Variants in HS6ST3 observed in about 807,000 individuals in gnomAD.
HS6ST3 encodes the protein heparan sulfate 6-O-sulfotransferase 3.
HS6ST3 carries 12 observed loss-of-function variants against 36.7 expected under a neutral mutation model. The observed-to-expected ratio is 0.33, with a 90% CI of 0.21 to 0.53. The LOEUF is 0.53. HS6ST3 is among the 20% of genes least tolerant of loss of function. The pLI is 0.95. For missense variants in HS6ST3, 584 were observed against 640.9 expected (o/e 0.91, Z 0.96); for synonymous variants, 240 against 257.5 (o/e 0.93, Z 0.65).
At chr13:96,567,976 G>A (rs940412717) in intron 1 of HS6ST3, among the ~76,000 whole-genome samples, 3 of 152,176 alleles carry the variant, frequency 2.0e-5, no homozygotes, top group Non-Finnish European at 4.4e-5. Context: ...CTTATATCAT[G>A]TAATTATGGG....
At chr13:96,371,825 A>G (rs2055291478) in intron 1 of HS6ST3, among the ~76,000 whole-genome samples, 1 of 152,132 alleles carries the variant, frequency 6.6e-6, no homozygotes, top group African/African-American at 2.4e-5. Context: ...ATAGTATTCT[A>G]TTGCATATAT....
chr13:96,215,481 G>A (rs937455699), intron 1 of HS6ST3, among the ~76,000 whole-genome samples: 2 of 152,144 alleles, frequency 1.3e-5, no homozygotes, highest in Admixed American at 6.5e-5. Context: ...TTATTTCTTG[G>A]TGATATAAAA....
intron 1 of HS6ST3, among the ~76,000 whole-genome samples, chr13:96,738,330 T>A (rs1398226785): frequency 3.3e-5 from 5 of 152,042 alleles, no homozygotes; most frequent in Admixed American, 3.3e-4. Context: ...AGGATGATTG[T>A]ATGTACAAGG....
At chr13:96,651,513 G>A (rs2056607148) in intron 1 of HS6ST3, among the ~76,000 whole-genome samples, 1 of 151,950 alleles carries the variant, frequency 6.6e-6, no homozygotes, top group South Asian at 2.1e-4. Context: ...GAATCAAGCG[G>A]CCATCCATGA....
intron 1 of HS6ST3, among the ~76,000 whole-genome samples, chr13:96,121,880 AT>A (rs2139306621): frequency 6.6e-6 from 1 of 152,122 alleles, no homozygotes; most frequent in African/African-American, 2.4e-5. Flanking sequence ...ATATACTGTA[AT>A]TTTTACTCAT....
intron 1 of HS6ST3, among the ~76,000 whole-genome samples, chr13:96,671,389 C>G (rs2056682176): frequency 6.6e-6 from 1 of 152,076 alleles, no homozygotes; most frequent in Non-Finnish European, 1.5e-5. Context: ...TGAAGTTATG[C>G]CCAACTAACT....
chr13:96,158,836 C>T (rs1259249137), intron 1 of HS6ST3, among the ~76,000 whole-genome samples: 2 of 151,716 alleles, frequency 1.3e-5, no homozygotes, highest in Non-Finnish European at 2.9e-5. Flanking sequence ...AGCCCAGGAA[C>T]CAGGAGGTCA....
Position 96,339,765 on chromosome 13 carries a change from C to T in HS6ST3, c.707+248196C>T, listed in dbSNP as rs2055121055. 2.0e-5 allele frequency among the ~76,000 whole-genome samples: 3 copies of T among 152,332 alleles called. No individual in the cohort carries two copies. The South Asian group carries it at 6.2e-4, about 32-fold the overall frequency. On this transcript the variant is annotated intron_variant, in intron 1 of 1. Coordinates refer to ENST00000376705, the MANE Select transcript of HS6ST3 (RefSeq NM_153456.4). ...AGTAACAGTGGGTTACTATCTTTAT[C>T]CCAGTCTTGGAAAGAGGCTCTTGAT...
At chr13:96,157,638 A>G (rs1483803107) in intron 1 of HS6ST3, among the ~76,000 whole-genome samples, 1 of 152,218 alleles carries the variant, frequency 6.6e-6, no homozygotes, top group Non-Finnish European at 1.5e-5. Flanking sequence ...CAGTGCAGGT[A>G]ACTTTCAGTG....
chr13:96,446,551 GTGT>G (rs1280261432), intron 1 of HS6ST3, among the ~76,000 whole-genome samples: 2 of 152,136 alleles, frequency 1.3e-5, no homozygotes, highest in African/African-American at 4.8e-5. Flanking sequence ...CTCTTCACAG[GTGT>G]TGTTCAGCAC....
intron 1 of HS6ST3, among the ~76,000 whole-genome samples, chr13:96,311,705 T>C (rs1432870672): frequency 2.6e-5 from 4 of 152,204 alleles, no homozygotes; most frequent in Non-Finnish European, 5.9e-5. Flanking sequence ...ATAGAACATT[T>C]TGCAATATCC....
rs142799856 is a variant in HS6ST3 at position 96,816,598 on chromosome 13, G to A, written c.708-15892G>A. On this transcript the variant is annotated intron_variant, in intron 1 of 1. Transcript: ENST00000376705. ...AAGACCCTGATTATGAGGGACAATCGTGCTGCCCTGTTCTCCCTGACCCCT... is the reference window on the plus strand; with the variant it reads ...AAGACCCTGATTATGAGGGACAATCATGCTGCCCTGTTCTCCCTGACCCCT... Among the ~76,000 whole-genome samples the A allele has an allele frequency of 2.0e-3, 299 of 152,264 alleles. 1 individual carries two copies. The highest frequency in any genetic ancestry group is 3.4e-3 in the Non-Finnish European group (233 of 68,004).
At chr13:96,761,665 A>C (rs1271010693) in intron 1 of HS6ST3, among the ~76,000 whole-genome samples, 1 of 152,120 alleles carries the variant, frequency 6.6e-6, no homozygotes, top group Non-Finnish European at 1.5e-5. Context: ...TCATATCTTC[A>C]CAATTTTATT....
intron 1 of HS6ST3, among the ~76,000 whole-genome samples, chr13:96,547,816 T>C (rs1453427865): frequency 6.6e-6 from 1 of 152,176 alleles, no homozygotes; most frequent in Non-Finnish European, 1.5e-5. Flanking sequence ...TTGCTTGGTC[T>C]GTAGTTTGTT....
At chr13:96,772,380 A>C (rs1439950532) in intron 1 of HS6ST3, among the ~76,000 whole-genome samples, 1 of 152,230 alleles carries the variant, frequency 6.6e-6, no homozygotes, top group Non-Finnish European at 1.5e-5. Flanking sequence ...CAATTAAAGA[A>C]GAGCAAAGAG....
intron 1 of HS6ST3, among the ~76,000 whole-genome samples, chr13:96,730,665 T>C (rs941338884): frequency 2.6e-5 from 4 of 152,148 alleles, no homozygotes; most frequent in Non-Finnish European, 5.9e-5. Context: ...CCTCCCAGGC[T>C]CAAGCAAACC....
Position 96,217,228 on chromosome 13 carries a change from A to G in HS6ST3, c.707+125659A>G, listed in dbSNP as rs558300890. On this transcript the variant is annotated intron_variant, in intron 1 of 1. Coordinates refer to ENST00000376705, the MANE Select transcript of HS6ST3 (RefSeq NM_153456.4). ...CTGACAGTAGCATTTATTGAATGAC[A>G]TAATTATGCTAGCTATTTCTCATAT... 2.6e-5 allele frequency among the ~76,000 whole-genome samples: 4 copies of G among 152,314 alleles called. No individual in the cohort carries two copies. The East Asian group carries it at 5.8e-4, about 22-fold the overall frequency.
chr13:96,283,247 A>G (rs1362609515), intron 1 of HS6ST3, among the ~76,000 whole-genome samples: 1 of 152,210 alleles, frequency 6.6e-6, no homozygotes, highest in Non-Finnish European at 1.5e-5. Context: ...AGTATTCTTT[A>G]TCATCCACCT....
intron 1 of HS6ST3, among the ~76,000 whole-genome samples, chr13:96,284,913 T>TGC (rs756246701): frequency 0.24 from 8,648 of 36,646 alleles, 287 homozygotes; most frequent in Middle Eastern, 0.28. Flanking sequence ...CATATTTGCT[T>TGC]TCTTTCTTTC....
Sources: gnomAD v4.1 joint callset for allele counts (sites outside exome capture counted in the v4.1 genomes callset) on GRCh38, gnomAD v4.1.1 for gene constraint, MANE v1.5 for transcripts, NCBI Gene and HGNC (gene_info 2026-07-23, HGNC 2026-07-21) for gene names.